The following NRXN1 variants were observed in gnomAD, a reference collection of about 807,000 sequenced individuals.
NRXN1 encodes the protein neurexin 1.
Under a neutral mutation model 150.9 loss-of-function variants are expected in NRXN1, and 39 were observed. The observed-to-expected ratio is 0.26, with a 90% CI of 0.20 to 0.34. The LOEUF (loss-of-function observed/expected upper bound fraction) is 0.34. Ranked by LOEUF, NRXN1 falls within the 10% of genes least tolerant of loss-of-function variation. The probability of loss-of-function intolerance (pLI) is 1.00; values close to 1 mark genes in which losing one functional copy is unlikely to be tolerated. For missense variants in NRXN1, 1,815 were observed against 1,949.9 expected, an observed-to-expected ratio of 0.93 and a Z score of 1.30; for synonymous variants, 924 against 757.0, an observed-to-expected ratio of 1.22 and a Z score of -3.62.
chr2:51,006,955 A>C (rs1261361245), intron 2 of NRXN1, among the ~76,000 whole-genome samples: 4 of 151,988 alleles, frequency 2.6e-5, no homozygotes, highest in Middle Eastern at 3.4e-3. Flanking sequence ...TGACCTTCTA[A>C]ATGTCTATAT....
chr2:51,021,680 CT>C (rs1436323753), intron 2 of NRXN1, among the ~76,000 whole-genome samples: 2 of 151,902 alleles, frequency 1.3e-5, no homozygotes, highest in Non-Finnish European at 2.9e-5. Flanking sequence ...GTGTAAATAA[CT>C]TTAATGTATA....
At chr2:50,146,855 T>TATGA (rs1708079712) in intron 18 of NRXN1, among the ~76,000 whole-genome samples, 1 of 151,704 alleles carries the variant, frequency 6.6e-6, no homozygotes, top group South Asian at 2.1e-4. Flanking sequence ...CTTAGGTCAG[T>TATGA]CTTCTGGGAA....
intron 18 of NRXN1, among the ~76,000 whole-genome samples, chr2:50,133,326 A>C (rs932478823): frequency 8.1e-6 from 1 of 123,158 alleles, no homozygotes; most frequent in Non-Finnish European, 1.8e-5. Context: ...GAGGTTGCTG[A>C]CAACTCAGCA....
intron 17 of NRXN1, among the ~76,000 whole-genome samples, chr2:50,391,026 T>C (rs953766991): frequency 6.6e-6 from 1 of 152,138 alleles, no homozygotes; most frequent in Non-Finnish European, 1.5e-5. Context: ...TGCTCTGGAC[T>C]GATTTTCCCA....
chr2:50,637,336 T>C (rs1483070204), intron 5 of NRXN1, among the ~76,000 whole-genome samples: 1 of 152,150 alleles, frequency 6.6e-6, no homozygotes, highest in Non-Finnish European at 1.5e-5. Context: ...CCCTATCTGG[T>C]TTGAGTACTG....
At chr2:50,264,291 T>C (rs1489501748) in intron 17 of NRXN1, among the ~76,000 whole-genome samples, 1 of 151,946 alleles carries the variant, frequency 6.6e-6, no homozygotes, top group Non-Finnish European at 1.5e-5. Context: ...CATACGCACA[T>C]AGAAACAGAA....
intron 5 of NRXN1, among the ~76,000 whole-genome samples, chr2:50,795,876 T>A (rs569682815): frequency 4.7e-4 from 71 of 152,184 alleles, no homozygotes; most frequent in African/African-American, 1.3e-3. Flanking sequence ...CCTGCTGGAA[T>A]GATTGGCTCA....
In NRXN1 at chr2:50,742,394, G is replaced by C. The variant is rs569836910; in HGVS notation, c.833-118779C>G. ...CAAGTTTGGCACTTTGGGAGGCCGAGGCAGGTGGATCACAAAGTCAGGGGC... is the reference window on the plus strand; with the variant it reads ...CAAGTTTGGCACTTTGGGAGGCCGACGCAGGTGGATCACAAAGTCAGGGGC... On this transcript the variant is annotated intron_variant, in intron 5 of 22. Transcript: ENST00000401669. Among the ~76,000 whole-genome samples, 6 of 151,902 alleles carry C rather than the reference G, an allele frequency of 3.9e-5. 1 individual carries two copies. The highest frequency in any genetic ancestry group is 1.4e-4 in the African/African-American group (6 of 41,468).
chr2:50,306,224 G>A (rs974374785), intron 17 of NRXN1, among the ~76,000 whole-genome samples: 1 of 152,190 alleles, frequency 6.6e-6, no homozygotes, highest in Admixed American at 6.5e-5. Context: ...AGAAACAAAT[G>A]TCAGTGAATT....
chr2:50,077,603 T>C lies in NRXN1; in HGVS notation c.3718+13720A>G, dbSNP rs538864629. Among the ~76,000 whole-genome samples, 12 of 152,260 alleles carry C rather than the reference T, an allele frequency of 7.9e-5. No homozygotes were observed. In the South Asian group the frequency reaches 2.3e-3, roughly 29 times the overall value. ...GAAGACTCTACTTGGACCTTTAAAA[T>C]GCTCCAGCGAAGGTGACCCTGAAAA... On this transcript the variant is annotated intron_variant, in intron 19 of 22. Transcript: ENST00000401669.
At chr2:50,906,275 C>A (rs1683660908) in intron 5 of NRXN1, among the ~76,000 whole-genome samples, 1 of 152,086 alleles carries the variant, frequency 6.6e-6, no homozygotes, top group African/African-American at 2.4e-5. Flanking sequence ...AGAAGCATTT[C>A]TCTTCCTTTG....
chr2:49,965,051 TG>T, intron 21 of NRXN1, among the ~76,000 whole-genome samples: 1 of 151,862 alleles, frequency 6.6e-6, no homozygotes, highest in Non-Finnish European at 1.5e-5. Context: ...AGCTATTTTT[TG>T]TATTTTTGGT....
chr2:49,945,999 C>T (rs1672827935), intron 21 of NRXN1, among the ~76,000 whole-genome samples: 2 of 152,130 alleles, frequency 1.3e-5, no homozygotes, highest in Admixed American at 1.3e-4. Flanking sequence ...TTTACACTCC[C>T]ACCAACAGTG....
chr2:50,037,273 G>C (rs2152573293), intron 21 of NRXN1, among the ~76,000 whole-genome samples: 1 of 151,482 alleles, frequency 6.6e-6, no homozygotes, highest in African/African-American at 2.4e-5. Flanking sequence ...CTTCTTTTTA[G>C]CAAAGCAAAC....
intron 5 of NRXN1, among the ~76,000 whole-genome samples, chr2:50,847,615 C>G (rs1020457864): frequency 2.6e-5 from 4 of 152,272 alleles, no homozygotes; most frequent in Admixed American, 1.3e-4. Context: ...CTATAAAAAC[C>G]GGAGACCCTA....
intron 21 of NRXN1, among the ~76,000 whole-genome samples, chr2:50,030,497 G>C (rs6745029): frequency 0.21 from 31,781 of 151,954 alleles, 4,672 homozygotes; most frequent in African/African-American, 0.42. Flanking sequence ...CTCCTGTAAG[G>C]ATAACAGGCA....
At chr2:50,052,823 C>T (rs1356564741) in intron 21 of NRXN1, among the ~76,000 whole-genome samples, 1 of 152,004 alleles carries the variant, frequency 6.6e-6, no homozygotes, top group East Asian at 1.9e-4. Context: ...AAACTTTAAA[C>T]TTCAAAATAC....
At chr2:50,047,343 A>AAC (rs771431301) in intron 21 of NRXN1, among the ~76,000 whole-genome samples, 34 of 152,072 alleles carry the variant, frequency 2.2e-4, no homozygotes, top group Non-Finnish European at 4.1e-4. Flanking sequence ...ATGTCTGAGG[A>AAC]ACACACATAT....
intron 18 of NRXN1, among the ~76,000 whole-genome samples, chr2:50,103,348 G>C (rs10169371): frequency 6.6e-6 from 1 of 151,840 alleles, no homozygotes; most frequent in Non-Finnish European, 1.5e-5. Context: ...TCTGCCTTAA[G>C]ATTTATGTCT....
Sources: gnomAD v4.1 joint callset for allele counts (sites outside exome capture counted in the v4.1 genomes callset) on GRCh38, gnomAD v4.1.1 for gene constraint, MANE v1.5 for transcripts, NCBI Gene and HGNC (gene_info 2026-07-23, HGNC 2026-07-21) for gene names.